The following CEP44 variants were observed in gnomAD, a reference collection of about 807,000 sequenced individuals.
CEP44 encodes centrosomal protein of 44 kDa.
A neutral mutation model predicts 46.7 loss-of-function variants in CEP44; 45 were observed. The ratio of observed to expected loss-of-function variants is 0.96; its 90% CI spans 0.76 to 1.24. CEP44 has a LOEUF of 1.24. CEP44 is among the 50% of genes most tolerant of loss of function. The probability of loss-of-function intolerance (pLI) is 0.00; values close to 1 mark genes in which losing one functional copy is unlikely to be tolerated. For missense variants in CEP44, 475 were observed against 459.7 expected (o/e 1.03, Z -0.30); for synonymous variants, 142 against 146.0 (o/e 0.97, Z 0.20).
chr4:174,302,208 A>G (rs1484992736), intron 4 of CEP44, 22 bp downstream of exon 4: 1 of 1,499,218 alleles, frequency 6.7e-7, no homozygotes, highest in South Asian at 1.2e-5. Flanking sequence ...TTATCAAACA[A>G]TAACTATTAG....
In CEP44 at chr4:174,302,163, C is replaced by G. The variant is rs115721122; in HGVS notation, c.214C>G (p.Arg72Gly). Residue 72 changes from arginine (R) to glycine (G), a missense_variant, in exon 4 of 12, where the codon CGC becomes GGC. Coordinates refer to ENST00000503780, the MANE Select transcript of CEP44 (RefSeq NM_001040157.3). The part of the protein sequence containing the change: ...NVELIAKNDL[R>G]FIDAVYKLLR... ...AGAGCTCATAGCAAAAAATGACTTGCGCTTTATAGATGCTGTCTATAAGGT... is the reference window on the plus strand; with the variant it reads ...AGAGCTCATAGCAAAAAATGACTTGGGCTTTATAGATGCTGTCTATAAGGT... 5 of 1,602,938 alleles carry G rather than the reference C, an allele frequency of 3.1e-6. No individual in the cohort carries two copies. Among genetic ancestry groups the G allele is most frequent in the East Asian group, 4.5e-5 (2 of 44,552 alleles).
Position 174,319,778 on chromosome 4 carries a change from TTATC to T in CEP44, c.*2398_*2401del, listed in dbSNP as rs70947424. 0.33 allele frequency: 310,276 copies of T among 933,236 alleles called. 55,377 individuals are homozygous for T. Among genetic ancestry groups the T allele is most frequent in the Non-Finnish European group, 0.36 (283,042 of 782,006 alleles). 57.8% of individuals were successfully genotyped at this position (933,236 alleles called of 1,614,324 possible). On this transcript the variant is annotated 3_prime_UTR_variant, in exon 12 of 12. Transcript: ENST00000503780. ...ATACATTTACACTTACAAAGAGTCT[TTATC>T]TAGACAACATAATTTTTGGAAAAAT...
Position 174,310,444 on chromosome 4 carries a change from C to T in CEP44, c.886-339C>T, listed in dbSNP as rs1316237216. Among the ~76,000 whole-genome samples the T allele has an allele frequency of 1.3e-5, 2 of 151,766 alleles. No individual in the cohort carries two copies. Among genetic ancestry groups the T allele is most frequent in the Admixed American group, 1.3e-4 (2 of 15,220 alleles). On this transcript the variant is annotated intron_variant, in intron 8 of 11. Coordinates refer to ENST00000503780, the MANE Select transcript of CEP44 (RefSeq NM_001040157.3). This position sits in a 1 kb window ranked among gnomAD's most constrained non-coding sequence, Gnocchi z 4.2. Reference sequence around the variant, plus strand: ...GGTAACTCTTCCCATCTTTTTTTCACTCATTTACTTCAATCATATTGTGAA... The same window carrying T: ...GGTAACTCTTCCCATCTTTTTTTCATTCATTTACTTCAATCATATTGTGAA...
At chr4:174,298,816 C>T (rs919425658) in intron 2 of CEP44, among the ~76,000 whole-genome samples, 1 of 151,796 alleles carries the variant, frequency 6.6e-6, no homozygotes, top group Non-Finnish European at 1.5e-5. Context: ...ATATAAGATA[C>T]ATTATAATAA....
intron 9 of CEP44, among the ~76,000 whole-genome samples, chr4:174,313,612 G>A (rs1263539258): frequency 6.6e-6 from 1 of 152,210 alleles, no homozygotes; most frequent in Non-Finnish European, 1.5e-5. Flanking sequence ...AGGAAAGTAA[G>A]ATAGGCAAGG....
chr4:174,323,789 G>C (rs1439062143), downstream of CEP44, among the ~76,000 whole-genome samples: 1 of 152,090 alleles, frequency 6.6e-6, no homozygotes, highest in Non-Finnish European at 1.5e-5. Context: ...ATGTCAAAAG[G>C]GCACTCATTG....
rs1484124358 is a variant in CEP44 at position 174,294,716 on chromosome 4, G to A, written c.-147-3250G>A. On this transcript the variant is annotated intron_variant, in intron 1 of 11. Transcript: ENST00000503780. ...TCCCGGAAGGGGTGGCTGGCCGGGC[G>A]GGGGGCTGACCACCCCCCACCTCCC... Among the ~76,000 whole-genome samples, 65 of 144,668 alleles carry A rather than the reference G, an allele frequency of 4.5e-4. 1 individual carries two copies. Among genetic ancestry groups the A allele is most frequent in the Non-Finnish European group, 7.5e-4 (49 of 65,198 alleles). The allele number at this position is 144,668 out of a possible 152,430, so 94.9% of individuals were successfully genotyped here.
intron 3 of CEP44, among the ~76,000 whole-genome samples, chr4:174,299,542 T>C (rs1301610506): frequency 6.6e-6 from 1 of 152,228 alleles, no homozygotes; most frequent in Non-Finnish European, 1.5e-5. Flanking sequence ...TTCAGTTGGA[T>C]GATATTTCTT....
Position 174,310,963 on chromosome 4 carries a change from C to A in CEP44, c.961+105C>A, listed in dbSNP as rs1741014404. 6 of 574,114 alleles carry A rather than the reference C, an allele frequency of 1.0e-5. No homozygotes were observed. Among genetic ancestry groups the A allele is most frequent in the Non-Finnish European group, 1.8e-5 (6 of 330,278 alleles). The allele number at this position is 574,114 out of a possible 1,614,324, so 35.6% of individuals were successfully genotyped here. ...GCTTTATTGTTTAGAAATTGCAAAG[C>A]TCCTAGAACAAAGAACATAATGAAC... On this transcript the variant is annotated intron_variant, in intron 9 of 11. Coordinates refer to ENST00000503780, the MANE Select transcript of CEP44 (RefSeq NM_001040157.3). This position sits in a 1 kb window ranked among gnomAD's most constrained non-coding sequence, Gnocchi z 4.2.
chr4:174,290,498 G>A lies in CEP44; in HGVS notation c.-148+6555G>A, dbSNP rs560919666. ...TAGAGAATGTTTCATGTCCTTTTGA[G>A]AAGAATGATTATTTTGCTATGGTTG... On this transcript the variant is annotated intron_variant, in intron 1 of 11. Coordinates refer to ENST00000503780, the MANE Select transcript of CEP44 (RefSeq NM_001040157.3). The surrounding 1 kb of genome is among the most constrained non-coding windows in gnomAD (Gnocchi z 4.3). 6.2e-5 allele frequency among the ~76,000 whole-genome samples: 9 copies of A among 145,412 alleles called. No homozygotes were observed. Among genetic ancestry groups the A allele is most frequent in the African/African-American group, 2.2e-4 (9 of 40,880 alleles).
chr4:174,285,974 A>C (rs1324585778), intron 1 of CEP44, among the ~76,000 whole-genome samples: 5 of 152,214 alleles, frequency 3.3e-5, no homozygotes, highest in Admixed American at 3.3e-4. Context: ...TTTCAGGATG[A>C]CTTTCTCTTT....
In CEP44 at chr4:174,286,301, G is replaced by T. The variant is rs1737580265; in HGVS notation, c.-148+2358G>T. Among the ~76,000 whole-genome samples, 1 of 152,172 alleles carries T rather than the reference G, an allele frequency of 6.6e-6. No homozygotes were observed. Among genetic ancestry groups the T allele is most frequent in the African/African-American group, 2.4e-5 (1 of 41,446 alleles). ...ACCTTCTTACCTTTCCTTATTTAAAGATAGAGAAACGGTGTGTAAAGGGAT... is the reference window on the plus strand; with the variant it reads ...ACCTTCTTACCTTTCCTTATTTAAATATAGAGAAACGGTGTGTAAAGGGAT... On this transcript the variant is annotated intron_variant, in intron 1 of 11. Transcript: ENST00000503780. This position sits in a 1 kb window ranked among gnomAD's most constrained non-coding sequence, Gnocchi z 5.2.
chr4:174,326,177 A>G lies in CEP44; in HGVS notation c.1087-5305A>G, dbSNP rs780876458. Reference sequence around the variant, plus strand: ...ATTATTTTTCACTGGATATTTTTTAATGTTTTTTATTTTTTTCTTGGCTTA... The same window carrying G: ...ATTATTTTTCACTGGATATTTTTTAGTGTTTTTTATTTTTTTCTTGGCTTA... On this transcript the variant is annotated intron_variant, in intron 8 of 8. Coordinates refer to the CEP44 transcript ENST00000426172. This position sits in a 1 kb window ranked among gnomAD's most constrained non-coding sequence, Gnocchi z 4.8. 1.0e-4 allele frequency among the ~76,000 whole-genome samples: 15 copies of G among 148,818 alleles called. No homozygotes were observed. Among genetic ancestry groups the G allele is most frequent in the Non-Finnish European group, 1.9e-4 (13 of 66,844 alleles).
rs1445452050 is a variant in CEP44 at position 174,290,390 on chromosome 4, G to A, written c.-148+6447G>A. 3.3e-5 allele frequency among the ~76,000 whole-genome samples: 5 copies of A among 149,476 alleles called. No homozygotes were observed. The East Asian group carries it at 5.8e-4, about 17-fold the overall frequency. ...TATTGATTTCTAGTTTCATTCCCTC[G>A]TGATCAGACAAAATGTTTAGAATGT... On this transcript the variant is annotated intron_variant, in intron 1 of 11. Transcript: ENST00000503780. This position sits in a 1 kb window ranked among gnomAD's most constrained non-coding sequence, Gnocchi z 4.3.
chr4:174,330,453 C>T (rs563424377), intron 8 of CEP44, among the ~76,000 whole-genome samples: 11 of 150,222 alleles, frequency 7.3e-5, no homozygotes, highest in African/African-American at 2.0e-4. Flanking sequence ...CATACCACTA[C>T]ACTCTAGCCT....
rs748986861 is a variant in CEP44 at position 174,297,081 on chromosome 4, A to G, written c.-147-885A>G. Reference sequence around the variant, plus strand: ...TAGCATGGTATATTTTTCCCTATCCATTTACTTTTAATCTTATAAACAAAA... The same window carrying G: ...TAGCATGGTATATTTTTCCCTATCCGTTTACTTTTAATCTTATAAACAAAA... On this transcript the variant is annotated intron_variant, in intron 1 of 11. Coordinates refer to ENST00000503780, the MANE Select transcript of CEP44 (RefSeq NM_001040157.3). This position sits in a 1 kb window ranked among gnomAD's most constrained non-coding sequence, Gnocchi z 4.3. 1.3e-5 allele frequency among the ~76,000 whole-genome samples: 2 copies of G among 151,722 alleles called. No homozygotes were observed. The highest frequency in any genetic ancestry group is 2.9e-5 in the Non-Finnish European group (2 of 67,926).
chr4:174,327,332 A>G (rs1172544409), intron 8 of CEP44, among the ~76,000 whole-genome samples: 1 of 151,826 alleles, frequency 6.6e-6, no homozygotes, highest in Admixed American at 6.6e-5. Flanking sequence ...ATAAATGGGT[A>G]GACATACCAT....
intron 1 of CEP44, among the ~76,000 whole-genome samples, chr4:174,295,396 C>T (rs916424660): frequency 2.6e-5 from 4 of 151,128 alleles, no homozygotes; most frequent in Non-Finnish European, 4.4e-5. Flanking sequence ...GATGGGCGGC[C>T]GGGCAGAGAC....
chr4:174,283,937 T>C lies in CEP44; in HGVS notation c.-154T>C, dbSNP rs1482213666. On this transcript the variant is annotated 5_prime_UTR_variant, in exon 1 of 12. Coordinates refer to ENST00000503780, the MANE Select transcript of CEP44 (RefSeq NM_001040157.3). This position sits in a 1 kb window ranked among gnomAD's most constrained non-coding sequence, Gnocchi z 6.7. ...GAGAAGCTCCCAGCTTTGAAGGTCT[T>C]GCGGTGGTGCGTGGCGGGCAGGAAC... 7 of 399,132 alleles carry C rather than the reference T, an allele frequency of 1.8e-5. No individual in the cohort carries two copies. The highest frequency in any genetic ancestry group is 3.1e-5 in the Non-Finnish European group (7 of 226,276). The allele number at this position is 399,132 out of a possible 1,614,324, so 24.7% of individuals were successfully genotyped here.
Sources: gnomAD v4.1 joint callset for allele counts (sites outside exome capture counted in the v4.1 genomes callset) on GRCh38, gnomAD v4.1.1 for gene constraint, Gnocchi (gnomAD v3.1) non-coding constraint, MANE v1.5 for transcripts, NCBI Gene and HGNC (gene_info 2026-07-23, HGNC 2026-07-21) for gene names.